The following SLC44A5 variants were observed in gnomAD, a reference collection of about 807,000 sequenced individuals.
SLC44A5 encodes choline transporter-like protein 5.
A neutral mutation model predicts 101.8 loss-of-function variants in SLC44A5; 57 were observed. The ratio of observed to expected loss-of-function variants is 0.56; its 90% CI spans 0.45 to 0.70. SLC44A5 has a LOEUF of 0.70. Ranked by LOEUF, SLC44A5 falls within the 30% of genes least tolerant of loss-of-function variation. The pLI, the probability that SLC44A5 is intolerant of heterozygous loss-of-function variation, is 0.00. For missense variants in SLC44A5, 737 were observed against 853.1 expected (o/e 0.86, Z 1.70); for synonymous variants, 281 against 290.9 (o/e 0.97, Z 0.35).
chr1:75,566,224 C>A (rs1232368704), intron 1 of SLC44A5, among the ~76,000 whole-genome samples: 1 of 152,126 alleles, frequency 6.6e-6, no homozygotes, highest in African/African-American at 2.4e-5. Flanking sequence ...CTAGTACTAG[C>A]TATTTATGAT....
chr1:75,528,040 T>A (rs183594708), intron 2 of SLC44A5, among the ~76,000 whole-genome samples: 1 of 152,198 alleles, frequency 6.6e-6, no homozygotes, highest in Non-Finnish European at 1.5e-5. Flanking sequence ...TCTTTTCTAA[T>A]CCTACTATAT....
At chr1:75,563,050 T>C (rs1279381311) in intron 1 of SLC44A5, among the ~76,000 whole-genome samples, 2 of 152,210 alleles carry the variant, frequency 1.3e-5, no homozygotes, top group East Asian at 1.9e-4. Flanking sequence ...CATTACATTC[T>C]GTGGATTTTA....
chr1:75,576,403 C>T (rs1673367415), intron 1 of SLC44A5, among the ~76,000 whole-genome samples: 1 of 151,980 alleles, frequency 6.6e-6, no homozygotes, highest in Non-Finnish European at 1.5e-5. Context: ...CAAGCTCCAC[C>T]TCCCGGGTTC....
At chr1:75,460,293 C>T (rs991065296) in intron 2 of SLC44A5, among the ~76,000 whole-genome samples, 6 of 152,166 alleles carry the variant, frequency 3.9e-5, no homozygotes, top group South Asian at 2.1e-4. Flanking sequence ...TTCCTACTTC[C>T]GCCCAACTTT....
intron 1 of SLC44A5, among the ~76,000 whole-genome samples, chr1:75,580,071 A>C (rs570842683): frequency 7.2e-5 from 11 of 152,132 alleles, no homozygotes; most frequent in Admixed American, 6.5e-4. Flanking sequence ...CACTGCATAA[A>C]ATCTATTGAT....
chr1:75,525,273 G>A (rs1370757301), intron 2 of SLC44A5, among the ~76,000 whole-genome samples: 1 of 152,120 alleles, frequency 6.6e-6, no homozygotes, highest in Non-Finnish European at 1.5e-5. Flanking sequence ...CCAACAAAGT[G>A]ATCAAATTTA....
chr1:75,548,218 T>G lies in SLC44A5; in HGVS notation c.-69-6702A>C, dbSNP rs564173783. Among the ~76,000 whole-genome samples the G allele has an allele frequency of 9.2e-5, 14 of 152,248 alleles. No individual in the cohort carries two copies. In the East Asian group the frequency reaches 2.5e-3, roughly 27 times the overall value. On this transcript the variant is annotated intron_variant, in intron 1 of 23. Coordinates refer to ENST00000370859, the MANE Select transcript of SLC44A5 (RefSeq NM_001130058.2). ...AGTGGAGATTAAGGAGGACTTAGTC[T>G]AATCTTTTAATTTAGAGACCAGTTT... is the stretch of plus-strand genomic sequence containing the variant.
chr1:75,472,670 G>A (rs188415137), intron 2 of SLC44A5, among the ~76,000 whole-genome samples: 2 of 152,278 alleles, frequency 1.3e-5, no homozygotes, highest in Admixed American at 1.3e-4. Flanking sequence ...TGAAATGACT[G>A]TGCTCTCTTT....
At chr1:75,490,689 G>T (rs976054573) in intron 2 of SLC44A5, among the ~76,000 whole-genome samples, 1 of 152,072 alleles carries the variant, frequency 6.6e-6, no homozygotes, top group Non-Finnish European at 1.5e-5. Context: ...TTAGAGTTTT[G>T]TTCTCTCCAA....
intron 1 of SLC44A5, among the ~76,000 whole-genome samples, chr1:75,593,538 A>C (rs958014421): frequency 6.6e-6 from 1 of 152,152 alleles, no homozygotes; most frequent in African/African-American, 2.4e-5. Context: ...ATGCACTCTT[A>C]TGTTTGTTGC....
intron 1 of SLC44A5, among the ~76,000 whole-genome samples, chr1:75,594,373 CA>C (rs1674520603): frequency 6.6e-6 from 1 of 151,828 alleles, no homozygotes; most frequent in African/African-American, 2.4e-5. Context: ...AAGCCGGATC[CA>C]AATGTCATTA....
intron 12 of SLC44A5, among the ~76,000 whole-genome samples, chr1:75,229,176 T>C (rs1505260): frequency 0.3 from 45,412 of 151,738 alleles, 7,326 homozygotes; most frequent in African/African-American, 0.41. Flanking sequence ...CAAGAGTTTC[T>C]CTCATTTGGC....
chr1:75,404,720 C>T (rs1157029399), intron 2 of SLC44A5, among the ~76,000 whole-genome samples: 6 of 152,152 alleles, frequency 3.9e-5, no homozygotes, highest in Admixed American at 2.0e-4. Flanking sequence ...AAAGGAAAAA[C>T]CAGTACCAGC....
chr1:75,672,284 T>C, the SLC44A5 span, among the ~76,000 whole-genome samples: 4 of 152,082 alleles, frequency 2.6e-5, no homozygotes, highest in African/African-American at 9.7e-5. Flanking sequence ...AAAATCTGTG[T>C]ACTTTGGGGA....
the SLC44A5 span, among the ~76,000 whole-genome samples, chr1:75,681,856 AC>A: frequency 6.6e-6 from 1 of 152,096 alleles, no homozygotes; most frequent in South Asian, 2.1e-4. Flanking sequence ...TATCTAGAAA[AC>A]CCCACTGTCT....
intron 5 of SLC44A5, among the ~76,000 whole-genome samples, chr1:75,276,182 C>G (rs1040062802): frequency 6.6e-6 from 1 of 152,142 alleles, no homozygotes; most frequent in Non-Finnish European, 1.5e-5. Context: ...TTGGTTTCAT[C>G]TTCTAATACC....
chr1:75,651,684 G>A, the SLC44A5 span, among the ~76,000 whole-genome samples: 762 of 127,260 alleles, frequency 6.0e-3, 3 homozygotes, highest in Non-Finnish European at 8.6e-3. Context: ...GCGACAGAGC[G>A]AGACTCTGTC....
chr1:75,534,094 G>A (rs886322692), intron 2 of SLC44A5, among the ~76,000 whole-genome samples: 3 of 152,098 alleles, frequency 2.0e-5, no homozygotes, highest in African/African-American at 7.2e-5. Context: ...TGCAGTACTC[G>A]AGACAGGCAT....
chr1:75,421,027 T>C (rs1417322573), intron 2 of SLC44A5, among the ~76,000 whole-genome samples: 1 of 152,070 alleles, frequency 6.6e-6, no homozygotes, highest in African/African-American at 2.4e-5. Flanking sequence ...TGGAATATAA[T>C]ATAACTACTG....
Sources: gnomAD v4.1 joint callset for allele counts (sites outside exome capture counted in the v4.1 genomes callset) on GRCh38, gnomAD v4.1.1 for gene constraint, MANE v1.5 for transcripts, NCBI Gene and HGNC (gene_info 2026-07-23, HGNC 2026-07-21) for gene names.